Variants in LGSN observed in about 807,000 individuals in gnomAD.
LGSN encodes lengsin, lens protein with glutamine synthetase domain.
In LGSN, 21 loss-of-function variants were observed where a neutral mutation model predicts 19.5. The ratio of observed to expected loss-of-function variants is 1.07; its 90% CI spans 0.76 to 1.55. The LOEUF (loss-of-function observed/expected upper bound fraction) is 1.55, where lower values mean the gene tolerates loss of function less well. Ranked by LOEUF, LGSN falls within the 40% of genes most tolerant of loss-of-function variation. The probability of loss-of-function intolerance (pLI) is 0.00; values close to 1 mark genes in which losing one functional copy is unlikely to be tolerated. For missense variants in LGSN, 673 were observed against 608.5 expected (o/e 1.11, Z -1.12); for synonymous variants, 257 against 215.6 (o/e 1.19, Z -1.68).
the LGSN span, among the ~76,000 whole-genome samples, chr6:63,330,875 C>G: frequency 2.0e-4 from 30 of 152,240 alleles, no homozygotes; most frequent in Non-Finnish European, 3.7e-4. Flanking sequence ...TTTGATCTAA[C>G]AGTAGCATGA....
At chr6:63,467,511 C>T in the LGSN span, among the ~76,000 whole-genome samples, 1 of 152,148 alleles carries the variant, frequency 6.6e-6, no homozygotes, top group Non-Finnish European at 1.5e-5. Context: ...CAAGGTGTCA[C>T]CAGGTTTGGT....
chr6:63,325,311 T>C, the LGSN span, among the ~76,000 whole-genome samples: 1 of 152,088 alleles, frequency 6.6e-6, no homozygotes, highest in Non-Finnish European at 1.5e-5. Flanking sequence ...CCAAACACAT[T>C]GGTTCTTTGA....
the LGSN span, among the ~76,000 whole-genome samples, chr6:63,353,405 A>G: frequency 6.6e-6 from 1 of 152,162 alleles, no homozygotes; most frequent in Non-Finnish European, 1.5e-5. Flanking sequence ...CTTCCTGGAT[A>G]TGCTCACAGA....
At chr6:63,377,732 A>G in the LGSN span, among the ~76,000 whole-genome samples, 1 of 151,666 alleles carries the variant, frequency 6.6e-6, no homozygotes, top group Admixed American at 6.6e-5. Flanking sequence ...GGCCAACATG[A>G]TGAAACCCCA....
chr6:63,282,210 C>T (rs1204190038), intron 3 of LGSN, among the ~76,000 whole-genome samples: 1 of 152,154 alleles, frequency 6.6e-6, no homozygotes, highest in Non-Finnish European at 1.5e-5. Flanking sequence ...TTAGAAATAT[C>T]AACAAGGTTG....
the LGSN span, among the ~76,000 whole-genome samples, chr6:63,488,016 A>C: frequency 6.6e-6 from 1 of 152,082 alleles, no homozygotes; most frequent in Non-Finnish European, 1.5e-5. Context: ...GAAGGCATTT[A>C]ATTTTATAAA....
chr6:63,374,240 T>A, the LGSN span, among the ~76,000 whole-genome samples: 1 of 152,200 alleles, frequency 6.6e-6, no homozygotes, highest in Non-Finnish European at 1.5e-5. Flanking sequence ...CAAAATGTTA[T>A]CTTTGATGCA....
chr6:63,349,822 G>A, the LGSN span, among the ~76,000 whole-genome samples: 1 of 152,332 alleles, frequency 6.6e-6, no homozygotes, highest in East Asian at 1.9e-4. Flanking sequence ...CTGTGCTCAA[G>A]TTATCATAAG....
intron 1 of LGSN, among the ~76,000 whole-genome samples, chr6:63,311,957 A>G (rs1158792562): frequency 6.6e-6 from 1 of 152,116 alleles, no homozygotes; most frequent in Non-Finnish European, 1.5e-5. Flanking sequence ...CAACCTTTTT[A>G]CACATCACAT....
chr6:63,529,326 T>A, the LGSN span, among the ~76,000 whole-genome samples: 1 of 150,216 alleles, frequency 6.7e-6, no homozygotes, highest in Non-Finnish European at 1.5e-5. Context: ...ATACATAAAA[T>A]GGTCTTATTG....
At chr6:63,290,670 T>C (rs928569862) in intron 2 of LGSN, among the ~76,000 whole-genome samples, 4 of 152,224 alleles carry the variant, frequency 2.6e-5, no homozygotes, top group African/African-American at 9.6e-5. Context: ...TGGCAAGCAT[T>C]TTCTGTAAAG....
the LGSN span, among the ~76,000 whole-genome samples, chr6:63,543,333 C>A: frequency 1.3e-5 from 2 of 152,072 alleles, no homozygotes; most frequent in Non-Finnish European, 2.9e-5. Flanking sequence ...TTCTTTCTTT[C>A]AATTATATCA....
At chr6:63,322,464 A>G (rs1769107053), upstream of LGSN, among the ~76,000 whole-genome samples, 1 of 152,174 alleles carries the variant, frequency 6.6e-6, no homozygotes, top group African/African-American at 2.4e-5. Flanking sequence ...CAACCACGAC[A>G]GAAGGATACT....
At chr6:63,543,294 C>T in the LGSN span, among the ~76,000 whole-genome samples, 71 of 152,158 alleles carry the variant, frequency 4.7e-4, no homozygotes, top group Admixed American at 4.5e-3. Flanking sequence ...AAAATGAACC[C>T]TCCTCAGGGA....
At chr6:63,382,989 C>T in the LGSN span, among the ~76,000 whole-genome samples, 1 of 152,116 alleles carries the variant, frequency 6.6e-6, no homozygotes, top group Non-Finnish European at 1.5e-5. Flanking sequence ...TTATGTAAGA[C>T]CCACATTCTA....
At chr6:63,412,529 G>GGAAA in the LGSN span, among the ~76,000 whole-genome samples, 2,350 of 32,254 alleles carry the variant, frequency 0.073, 157 homozygotes, top group Middle Eastern at 0.083. Flanking sequence ...AAAGAAAGAA[G>GGAAA]GAAAGAAAGA....
the LGSN span, among the ~76,000 whole-genome samples, chr6:63,498,724 G>C: frequency 6.6e-6 from 1 of 152,112 alleles, no homozygotes; most frequent in South Asian, 2.1e-4. Context: ...GGTGAGACAA[G>C]TGCTCATTTA....
At chr6:63,429,877 CT>C in the LGSN span, among the ~76,000 whole-genome samples, 1 of 152,152 alleles carries the variant, frequency 6.6e-6, no homozygotes, top group Non-Finnish European at 1.5e-5. Flanking sequence ...TGCCTATTGC[CT>C]CATGATTGCA....
At chr6:63,359,520 C>T in the LGSN span, among the ~76,000 whole-genome samples, 20,041 of 151,896 alleles carry the variant, frequency 0.13, 2,820 homozygotes, top group African/African-American at 0.36. Flanking sequence ...AGCCTGTTAT[C>T]GGTCTATTCA....
Sources: allele counts gnomAD v4.1 joint callset (sites outside exome capture counted in the v4.1 genomes callset), GRCh38; gene constraint gnomAD v4.1.1; transcripts MANE v1.5; gene names NCBI Gene and HGNC (gene_info 2026-07-23, HGNC 2026-07-21).